Variants in MALRD1 observed in about 807,000 individuals in gnomAD.
MALRD1 encodes MAM and LDL receptor class A domain containing 1, also known as MAM and LDL-receptor class A domain-containing protein 1.
MALRD1 carries 247 observed loss-of-function variants against 242.1 expected under a neutral mutation model. The observed-to-expected ratio is 1.02, with a 90% CI of 0.92 to 1.13. MALRD1 has a LOEUF of 1.13. Ranked by LOEUF, MALRD1 falls within the 50% of genes most tolerant of loss-of-function variation. The pLI is 0.00. For synonymous variants in MALRD1, 995 were observed against 866.6 expected, an observed-to-expected ratio of 1.15 and a Z score of -2.60; for missense variants, 2,989 against 2,533.1, an observed-to-expected ratio of 1.18 and a Z score of -3.86.
intron 18 of MALRD1, among the ~76,000 whole-genome samples, chr10:19,223,168 A>T (rs1837638812): frequency 6.6e-6 from 1 of 152,142 alleles, no homozygotes; most frequent in Non-Finnish European, 1.5e-5. Context: ...TTTCTATGTA[A>T]AATAAAATAT....
chr10:19,613,536 C>G (rs945608608), intron 35 of MALRD1, among the ~76,000 whole-genome samples: 7 of 151,954 alleles, frequency 4.6e-5, no homozygotes, highest in East Asian at 1.9e-4. Flanking sequence ...CTTTCTACCC[C>G]CAACCCCACC....
intron 21 of MALRD1, among the ~76,000 whole-genome samples, chr10:19,322,693 C>G (rs1842954439): frequency 6.6e-6 from 1 of 152,148 alleles, no homozygotes; most frequent in Non-Finnish European, 1.5e-5. Flanking sequence ...CTGGCAAGAC[C>G]TGCAAGACTG....
intron 31 of MALRD1, among the ~76,000 whole-genome samples, chr10:19,515,456 A>G (rs969004978): frequency 1.3e-5 from 2 of 152,192 alleles, no homozygotes; most frequent in Non-Finnish European, 2.9e-5. Flanking sequence ...TAGAAGAGGC[A>G]AAATTTTATC....
intron 27 of MALRD1, among the ~76,000 whole-genome samples, chr10:19,388,556 C>T (rs1321766005): frequency 6.6e-6 from 1 of 152,010 alleles, no homozygotes; most frequent in Non-Finnish European, 1.5e-5. Flanking sequence ...AAAATTTGAC[C>T]TGTGTGCCTC....
chr10:19,124,682 A>C lies in MALRD1; in HGVS notation c.943+12A>C. The C allele has an allele frequency of 8.1e-7, 1 of 1,233,492 alleles. No homozygotes were observed. Among genetic ancestry groups the C allele is most frequent in the Non-Finnish European group, 1.0e-6 (1 of 987,980 alleles). 76.4% of individuals were successfully genotyped at this position (1,233,492 alleles called of 1,614,324 possible). A position where few individuals can be genotyped will look rare whatever the true frequency, so the allele number is the denominator to read the frequency against. ...AGGTGATGATGAAGGTAGAAAAAAA[A>C]ATAATATCTTTTATGTATTACTTTC... On this transcript the variant is annotated intron_variant, in intron 7 of 39. Transcript: ENST00000454679.
intron 38 of MALRD1, chr10:19,722,492 A>G: frequency 6.7e-6 from 1 of 148,790 alleles, no homozygotes; most frequent in Non-Finnish European, 1.5e-5. Flanking sequence ...CAGAAGGCTG[A>G]GGCAGGAGGA....
intron 21 of MALRD1, among the ~76,000 whole-genome samples, chr10:19,315,103 T>G (rs1250894813): frequency 7.1e-6 from 1 of 140,228 alleles, no homozygotes; most frequent in Non-Finnish European, 1.5e-5. Flanking sequence ...TAAATATAAT[T>G]TATAGAAATA....
rs1339920555 is a variant in MALRD1 at position 19,203,912 on chromosome 10, G to A, written c.2104+32G>A. On this transcript the variant is annotated intron_variant, in intron 15 of 39. Coordinates refer to ENST00000454679, the MANE Select transcript of MALRD1 (RefSeq NM_001142308.3). ...AGCAAACAGGGACTCTACAACCACT[G>A]CTATTTACTGTTTAGTTAGACTTCA... 4 of 1,549,606 alleles carry A rather than the reference G, an allele frequency of 2.6e-6. No individual in the cohort carries two copies. The East Asian group carries it at 9.8e-5, about 38-fold the overall frequency.
chr10:19,720,576 A>G (rs997207948), intron 38 of MALRD1, among the ~76,000 whole-genome samples: 1 of 152,130 alleles, frequency 6.6e-6, no homozygotes, highest in Non-Finnish European at 1.5e-5. Flanking sequence ...ATAAATATAC[A>G]TACTCCGATG....
chr10:19,659,455 A>G (rs184753375), intron 36 of MALRD1, among the ~76,000 whole-genome samples: 26 of 152,224 alleles, frequency 1.7e-4, no homozygotes, highest in Admixed American at 1.4e-3. Flanking sequence ...TCAATCAACT[A>G]TTTTTTGAAA....
intron 33 of MALRD1, among the ~76,000 whole-genome samples, chr10:19,578,521 G>A (rs972745926): frequency 3.3e-5 from 5 of 152,010 alleles, no homozygotes; most frequent in African/African-American, 7.3e-5. Context: ...GTGAAGTCCC[G>A]TCTCTACTAA....
chr10:19,079,017 C>T (rs999654201), intron 2 of MALRD1, among the ~76,000 whole-genome samples: 2 of 150,756 alleles, frequency 1.3e-5, no homozygotes, highest in Non-Finnish European at 3.0e-5. Context: ...TTTATTTCTT[C>T]TCTAATTTTC....
intron 38 of MALRD1, among the ~76,000 whole-genome samples, chr10:19,703,950 G>A (rs1833738253): frequency 6.6e-6 from 1 of 152,030 alleles, no homozygotes; most frequent in Non-Finnish European, 1.5e-5. Context: ...AAAATAAACA[G>A]TAAGCCGTTT....
intron 18 of MALRD1, among the ~76,000 whole-genome samples, chr10:19,227,814 A>G (rs555572980): frequency 4.6e-5 from 7 of 152,216 alleles, no homozygotes; most frequent in Admixed American, 1.3e-4. Flanking sequence ...AAATATTTGT[A>G]CAGATGTTTT....
At chr10:19,153,189 C>T (rs1446690642) in intron 11 of MALRD1, among the ~76,000 whole-genome samples, 1 of 152,088 alleles carries the variant, frequency 6.6e-6, no homozygotes, top group Non-Finnish European at 1.5e-5. Context: ...TTAATCAAGA[C>T]ACACTATTTT....
intron 18 of MALRD1, among the ~76,000 whole-genome samples, chr10:19,226,664 A>G (rs1453264645): frequency 1.3e-5 from 2 of 152,052 alleles, no homozygotes; most frequent in Non-Finnish European, 2.9e-5. Context: ...GGACAGAAAG[A>G]AGAAAGAAAT....
At chr10:19,412,521 G>C (rs1363997060) in intron 28 of MALRD1, among the ~76,000 whole-genome samples, 1 of 152,144 alleles carries the variant, frequency 6.6e-6, no homozygotes, top group Non-Finnish European at 1.5e-5. Flanking sequence ...ATTCAGTGGG[G>C]AATCCAAATG....
At chr10:19,608,605 G>A (rs1253292262) in intron 35 of MALRD1, among the ~76,000 whole-genome samples, 1 of 151,782 alleles carries the variant, frequency 6.6e-6, no homozygotes, top group Non-Finnish European at 1.5e-5. Context: ...TAATGATAGA[G>A]ATATATTCAG....
chr10:19,539,850 C>CTT (rs59916756), intron 32 of MALRD1, among the ~76,000 whole-genome samples: 24,820 of 68,958 alleles, frequency 0.36, 3,209 homozygotes, highest in Non-Finnish European at 0.4. Flanking sequence ...CCACACCCAG[C>CTT]TTTGTGCGTG....
Sources: gnomAD v4.1 joint callset for allele counts (sites outside exome capture counted in the v4.1 genomes callset) on GRCh38, gnomAD v4.1.1 for gene constraint, MANE v1.5 for transcripts, NCBI Gene and HGNC (gene_info 2026-07-23, HGNC 2026-07-21) for gene names.